SENP7: variants seen among roughly 807,000 people sequenced by gnomAD.
SENP7 encodes the protein SUMO specific peptidase 7, also known as sentrin-specific protease 7.
A neutral mutation model predicts 141.2 loss-of-function variants in SENP7; 64 were observed. The ratio of observed to expected loss-of-function variants is 0.45; its 90% CI spans 0.37 to 0.56. SENP7 has a LOEUF of 0.56. SENP7 is among the 20% of genes least tolerant of loss of function. SENP7 has a pLI of 0.00. For synonymous variants in SENP7, 382 were observed against 426.4 expected (o/e 0.90, Z 1.28); for missense variants, 1,025 against 1,212.2 (o/e 0.85, Z 2.29).
At chr3:101,326,807 ACTCCAGT>A (rs2058912329) in intron 23 of SENP7, among the ~76,000 whole-genome samples, 1 of 151,860 alleles carries the variant, frequency 6.6e-6, no homozygotes, top group Non-Finnish European at 1.5e-5. Flanking sequence ...TCTTGCTGGG[ACTCCAGT>A]AACATGTAAA....
Position 101,341,772 on chromosome 3 carries a change from T to G in SENP7, c.2114A>C (p.Asn705Thr), listed in dbSNP as rs772260891. 1 of 1,594,770 alleles carries G rather than the reference T, an allele frequency of 6.3e-7. No individual in the cohort carries two copies. The highest frequency in any genetic ancestry group is 8.6e-7 in the Non-Finnish European group (1 of 1,165,382). Residue 705 changes from asparagine (N) to threonine (T), a missense_variant, in exon 15 of 24, where the codon AAC becomes ACC. Around this residue, in one of 4 missense-constraint regions of SENP7, gnomAD observed 295 missense variants for 459.1 expected, o/e 0.64. Transcript: ENST00000394095. The stretch of plus-strand genomic sequence containing the variant: ...GTAAGTAGGCTTGGCCGCATCTGTG[T>G]TTGAGGGCTGACAGAAAGTGGCAAG... Reference protein sequence around the residue: ...MKLKSVSQPSNTDAAKPTYTF... With the variant: ...MKLKSVSQPSTTDAAKPTYTF...
In SENP7 at chr3:101,485,364, G is replaced by A. The variant is rs568146946; in HGVS notation, c.186+8509C>T. On this transcript the variant is annotated intron_variant, in intron 3 of 23. Coordinates refer to ENST00000394095, the MANE Select transcript of SENP7 (RefSeq NM_020654.5). Reference sequence around the variant, plus strand: ...ACCCTCATAGAGTCCATTGCACCCCGCCACTACCTCCACTGGAAAAGGCAT... The same window carrying A: ...ACCCTCATAGAGTCCATTGCACCCCACCACTACCTCCACTGGAAAAGGCAT... Among the ~76,000 whole-genome samples the A allele has an allele frequency of 3.9e-5, 6 of 152,028 alleles. No individual in the cohort carries two copies. The South Asian group carries it at 1.2e-3, about 32-fold the overall frequency.
intron 4 of SENP7, among the ~76,000 whole-genome samples, chr3:101,456,736 C>T (rs1381548116): frequency 1.3e-5 from 2 of 152,098 alleles, no homozygotes. Flanking sequence ...CACCACTTTA[C>T]AAGCATTCTT....
chr3:101,400,320 C>T (rs547553920), intron 5 of SENP7, among the ~76,000 whole-genome samples: 61 of 152,214 alleles, frequency 4.0e-4, no homozygotes, highest in South Asian at 2.1e-4. Flanking sequence ...AGCCAGAGTA[C>T]GAGCATACCT....
chr3:101,344,077 T>C, intron 13 of SENP7, 123 bp from the exon 14 acceptor site: 1 of 743,256 alleles, frequency 1.3e-6, no homozygotes, highest in South Asian at 2.3e-5. Flanking sequence ...GTATTTTAGG[T>C]AATAACCAAG....
At chr3:101,374,018 T>C (rs1576135239) in intron 6 of SENP7, among the ~76,000 whole-genome samples, 1 of 152,152 alleles carries the variant, frequency 6.6e-6, no homozygotes, top group East Asian at 1.9e-4. Context: ...TGCAACAAAA[T>C]TCTAAGAATT....
At chr3:101,357,517 C>A in intron 11 of SENP7, 1 of 1,412,400 alleles carries the variant, frequency 7.1e-7, no homozygotes, top group Non-Finnish European at 9.6e-7. Flanking sequence ...CAGAGCAGAG[C>A]ATAAAAGATT....
intron 4 of SENP7, among the ~76,000 whole-genome samples, chr3:101,442,662 T>C (rs1313797615): frequency 6.6e-6 from 1 of 151,614 alleles, no homozygotes; most frequent in Non-Finnish European, 1.5e-5. Context: ...AGAAAAGAAA[T>C]TCAGGATATA....
chr3:101,485,287 G>A (rs2064678986), intron 3 of SENP7, among the ~76,000 whole-genome samples: 1 of 151,974 alleles, frequency 6.6e-6, no homozygotes, highest in Admixed American at 6.6e-5. Flanking sequence ...GTCACCTCCT[G>A]GCAGGAGGTC....
At chr3:101,366,342 C>G in intron 9 of SENP7, 88 bp downstream of exon 9, 1 of 986,604 alleles carries the variant, frequency 1.0e-6, no homozygotes, top group Non-Finnish European at 1.5e-6. Context: ...CAGCTTATGG[C>G]CTTAGCCAAA....
Position 101,393,451 on chromosome 3 carries a change from G to A in SENP7, c.677+5410C>T, listed in dbSNP as rs114681155. Among the ~76,000 whole-genome samples, 1,227 of 151,662 alleles carry A rather than the reference G, an allele frequency of 8.1e-3. 25 individuals are homozygous for A. The highest frequency in any genetic ancestry group is 0.027 in the African/African-American group (1,118 of 41,396). ...AAATCATACATCTCACTAGGGATAC[G>A]TACATATCTAAAATATGTAAGGAAA... On this transcript the variant is annotated intron_variant, in intron 6 of 23. Coordinates refer to ENST00000394095, the MANE Select transcript of SENP7 (RefSeq NM_020654.5).
intron 12 of SENP7, among the ~76,000 whole-genome samples, chr3:101,348,808 A>C (rs2059539459): frequency 6.6e-6 from 1 of 152,082 alleles, no homozygotes; most frequent in Non-Finnish European, 1.5e-5. Flanking sequence ...TTAAAAAAAA[A>C]AAAACTGATT....
intron 6 of SENP7, among the ~76,000 whole-genome samples, chr3:101,390,243 ACCCAG>A (rs2060778276): frequency 7.5e-6 from 1 of 134,208 alleles, no homozygotes. Context: ...AAAAAAAAAA[ACCCAG>A]AAAGACATGA....
chr3:101,446,136 T>A (rs546364866), intron 4 of SENP7, among the ~76,000 whole-genome samples: 1 of 152,290 alleles, frequency 6.6e-6, no homozygotes, highest in South Asian at 2.1e-4. Flanking sequence ...GTAGTGCCTC[T>A]CCCTTCGTTC....
intron 6 of SENP7, among the ~76,000 whole-genome samples, chr3:101,395,390 G>A (rs528844141): frequency 1.3e-5 from 2 of 152,312 alleles, no homozygotes; most frequent in Admixed American, 1.3e-4. Flanking sequence ...CTACTGAAGA[G>A]GGTGTCCTTT....
chr3:101,366,250 A>G (rs72940344), intron 9 of SENP7, among the ~76,000 whole-genome samples, 180 bp downstream of exon 9: 1,809 of 152,318 alleles, frequency 0.012, 31 homozygotes, highest in African/African-American at 0.04. Context: ...ACCTAAATCG[A>G]TATTTTAAAA....
chr3:101,493,479 C>A (rs1319642434), intron 3 of SENP7, among the ~76,000 whole-genome samples: 5 of 152,058 alleles, frequency 3.3e-5, no homozygotes, highest in Non-Finnish European at 7.4e-5. Flanking sequence ...GAGATAAAGT[C>A]CAGATTTATA....
At chr3:101,499,889 G>A (rs1444437305) in intron 2 of SENP7, among the ~76,000 whole-genome samples, 6 of 151,940 alleles carry the variant, frequency 3.9e-5, no homozygotes, top group Non-Finnish European at 8.8e-5. Flanking sequence ...GGCTGGTCTT[G>A]AACTCCTGAC....
intron 23 of SENP7, among the ~76,000 whole-genome samples, chr3:101,326,967 T>C (rs572394281): frequency 7.2e-4 from 109 of 152,234 alleles, no homozygotes; most frequent in African/African-American, 2.3e-3. Context: ...CTATTAAACT[T>C]GTCCAATAAG....
Sources: gnomAD v4.1 joint callset for allele counts (sites outside exome capture counted in the v4.1 genomes callset) on GRCh38, gnomAD v4.1.1 for gene constraint, gnomAD v4.1.1 regional missense constraint, MANE v1.5 for transcripts, NCBI Gene and HGNC (gene_info 2026-07-23, HGNC 2026-07-21) for gene names.